NPAS3: variants seen among roughly 807,000 people sequenced by gnomAD.
NPAS3 encodes the protein neuronal PAS domain-containing protein 3.
In NPAS3, 14 loss-of-function variants were observed where a neutral mutation model predicts 73.1. That is an observed-to-expected ratio of 0.19 (90% CI 0.13 to 0.30). The LOEUF (loss-of-function observed/expected upper bound fraction) is 0.30. Among genes scored for constraint, NPAS3 ranks in the 10% least tolerant of loss-of-function variants. The pLI, the probability that NPAS3 is intolerant of heterozygous loss-of-function variation, is 1.00. For missense variants in NPAS3, 1,096 were observed against 1,250.0 expected (o/e 0.88, Z 1.86); for synonymous variants, 620 against 541.5 (o/e 1.14, Z -2.01).
At chr14:33,242,304 G>T (rs2048237207) in intron 3 of NPAS3, among the ~76,000 whole-genome samples, 1 of 152,064 alleles carries the variant, frequency 6.6e-6, no homozygotes, top group Admixed American at 6.6e-5. Context: ...CAGTAGACGT[G>T]TCAAGTACCC....
At chr14:33,734,461 A>C (rs2061475896) in intron 6 of NPAS3, among the ~76,000 whole-genome samples, 1 of 152,208 alleles carries the variant, frequency 6.6e-6, no homozygotes, top group Non-Finnish European at 1.5e-5. Context: ...AAAGTACATA[A>C]AAGGAAAGAG....
At chr14:33,769,756 C>CTTTTTTTTTTTTTTT (rs916953785) in intron 7 of NPAS3, among the ~76,000 whole-genome samples, 3 of 81,882 alleles carry the variant, frequency 3.7e-5, no homozygotes, top group African/African-American at 4.7e-5. Context: ...TTTTTTTTTT[C>CTTTTTTTTTTTTTTT]TTTTTTTTTT....
chr14:33,383,710 G>T (rs2046654544), intron 4 of NPAS3, among the ~76,000 whole-genome samples: 1 of 152,276 alleles, frequency 6.6e-6, no homozygotes, highest in African/African-American at 2.4e-5. Context: ...TTGCATGAAT[G>T]CACCTAGGAG....
intron 4 of NPAS3, among the ~76,000 whole-genome samples, chr14:33,480,251 AGTT>A (rs1026569433): frequency 6.6e-6 from 1 of 152,196 alleles, no homozygotes; most frequent in African/African-American, 2.4e-5. Context: ...AAGAACTGAC[AGTT>A]GTTCTATCTA....
Position 33,369,404 on chromosome 14 carries a change from C to CAAAAAAAAAAAAAAAAAAAAAAAAAAAA in NPAS3, c.468+2159_468+2160insAAAAAAAAAAAAAAAAAAAAAAAAAAAA, listed in dbSNP as rs3058296. Among the ~76,000 whole-genome samples, 4 of 90,890 alleles carry CAAAAAAAAAAAAAAAAAAAAAAAAAAAA rather than the reference C, an allele frequency of 4.4e-5. 1 individual carries two copies. Among genetic ancestry groups the CAAAAAAAAAAAAAAAAAAAAAAAAAAAA allele is most frequent in the Non-Finnish European group, 6.6e-5 (3 of 45,592 alleles). 59.6% of individuals were successfully genotyped at this position (90,890 alleles called of 152,430 possible). A position where few individuals can be genotyped will look rare whatever the true frequency, so the allele number is the denominator to read the frequency against. On this transcript the variant is annotated intron_variant, in intron 4 of 11. Coordinates refer to ENST00000356141, the Ensembl canonical transcript of NPAS3. ...TCTATTTATTTGAAGGCCTCATTTCCAAAAAAAAAAAAAAAAAAAAAAAGG... is the reference window on the plus strand; with the variant it reads ...TCTATTTATTTGAAGGCCTCATTTCCAAAAAAAAAAAAAAAAAAAAAAAAAAAAAAAAAAAAAAAAAAAAAAAAAAAGG...
At chr14:33,746,540 T>G (rs539477955) in intron 7 of NPAS3, among the ~76,000 whole-genome samples, 25 of 151,644 alleles carry the variant, frequency 1.6e-4, no homozygotes, top group African/African-American at 5.1e-4. Context: ...AATAAACTTA[T>G]AGTTAAATAT....
chr14:33,070,170 G>C (rs1165849466), intron 2 of NPAS3, among the ~76,000 whole-genome samples: 2 of 152,204 alleles, frequency 1.3e-5, no homozygotes, highest in African/African-American at 2.4e-5. Flanking sequence ...ACATCAAGGA[G>C]GGAATATTAT....
At chr14:33,637,696 T>C (rs1385900770) in intron 5 of NPAS3, among the ~76,000 whole-genome samples, 1 of 152,246 alleles carries the variant, frequency 6.6e-6, no homozygotes, top group Non-Finnish European at 1.5e-5. Flanking sequence ...TTGTTTGCTG[T>C]TTTTTTCTTA....
At chr14:33,308,590 TG>T (rs1283852008) in intron 3 of NPAS3, among the ~76,000 whole-genome samples, 1 of 15,578 alleles carries the variant, frequency 6.4e-5, no homozygotes, top group Admixed American at 5.6e-4. Flanking sequence ...TCTATATATA[TG>T]ATCTATCTAC....
intron 5 of NPAS3, among the ~76,000 whole-genome samples, chr14:33,573,747 A>G (rs1488060687): frequency 3.3e-5 from 5 of 152,210 alleles, no homozygotes; most frequent in African/African-American, 7.2e-5. Context: ...TAAAGGGAAA[A>G]GTGCAATATT....
intron 3 of NPAS3, among the ~76,000 whole-genome samples, chr14:33,347,432 A>G (rs2140332752): frequency 6.6e-6 from 1 of 152,388 alleles, no homozygotes; most frequent in South Asian, 2.1e-4. Context: ...TGAACAAAAT[A>G]TAAAATGGCT....
At chr14:32,989,539 C>G (rs989494826) in intron 1 of NPAS3, among the ~76,000 whole-genome samples, 11 of 151,918 alleles carry the variant, frequency 7.2e-5, no homozygotes, top group Non-Finnish European at 1.2e-4. Context: ...AGCTACGCGG[C>G]AGGCTGAGGC....
intron 1 of NPAS3, among the ~76,000 whole-genome samples, chr14:32,991,962 C>T (rs2038352296): frequency 6.6e-6 from 1 of 152,190 alleles, no homozygotes; most frequent in South Asian, 2.1e-4. Context: ...TATTCGCTTA[C>T]CATTAGAAAT....
chr14:32,973,512 TA>T (rs1360459667), intron 1 of NPAS3, among the ~76,000 whole-genome samples: 1 of 151,602 alleles, frequency 6.6e-6, no homozygotes, highest in Non-Finnish European at 1.5e-5. Flanking sequence ...ATTCTGTTTA[TA>T]GTTCTATGAG....
At chr14:33,296,900 C>T (rs2042324596) in intron 3 of NPAS3, among the ~76,000 whole-genome samples, 1 of 152,176 alleles carries the variant, frequency 6.6e-6, no homozygotes, top group Non-Finnish European at 1.5e-5. Context: ...ACTAACCTAG[C>T]TCTGTTCCTC....
chr14:33,076,483 C>T (rs2041662791), intron 2 of NPAS3, among the ~76,000 whole-genome samples: 1 of 152,180 alleles, frequency 6.6e-6, no homozygotes. Flanking sequence ...GAACAGCTTT[C>T]CTTCATTTCT....
intron 2 of NPAS3, among the ~76,000 whole-genome samples, chr14:33,204,437 A>G (rs1043039919): frequency 5.3e-5 from 8 of 152,068 alleles, no homozygotes; most frequent in Admixed American, 1.3e-4. Flanking sequence ...CTTGGTAGAG[A>G]CCCCAAGATA....
At chr14:33,668,962 G>C (rs1178202073) in intron 5 of NPAS3, among the ~76,000 whole-genome samples, 1 of 152,180 alleles carries the variant, frequency 6.6e-6, no homozygotes, top group Non-Finnish European at 1.5e-5. Flanking sequence ...GAGACGTATT[G>C]ATACTGAAGT....
chr14:33,072,022 C>T lies in NPAS3; in HGVS notation c.140+16028C>T, dbSNP rs146184903. On this transcript the variant is annotated intron_variant, in intron 2 of 11. Transcript: ENST00000356141. ...TCTCTTGACTCAGCCTCCCCAGTAGCTGAGATTACAGATGTGCACCACCAC... is the reference window on the plus strand; with the variant it reads ...TCTCTTGACTCAGCCTCCCCAGTAGTTGAGATTACAGATGTGCACCACCAC... Among the ~76,000 whole-genome samples the T allele has an allele frequency of 3.4e-4, 52 of 152,254 alleles. 2 individuals carry two copies. In the East Asian group the frequency reaches 9.5e-3, roughly 28 times the overall value.
Sources: gnomAD v4.1 joint callset for allele counts (sites outside exome capture counted in the v4.1 genomes callset) on GRCh38, gnomAD v4.1.1 for gene constraint, MANE v1.5 for transcripts, NCBI Gene and HGNC (gene_info 2026-07-23, HGNC 2026-07-21) for gene names.